ZNF197: variants seen among roughly 807,000 people sequenced by gnomAD.
The protein encoded by ZNF197 is VHL-associated KRAB-A domain-containing protein.
Under a neutral mutation model 27.4 loss-of-function variants are expected in ZNF197, and 14 were observed. The ratio of observed to expected loss-of-function variants is 0.51; its 90% confidence interval spans 0.34 to 0.80. The LOEUF is 0.80. Ranked by LOEUF, ZNF197 falls within the 30% of genes least tolerant of loss-of-function variation. The pLI, the probability that ZNF197 is intolerant of heterozygous loss-of-function variation, is 0.02. For missense variants in ZNF197, 1,090 were observed against 1,222.6 expected, an observed-to-expected ratio of 0.89 and a Z score of 1.62; for synonymous variants, 415 against 420.0, an observed-to-expected ratio of 0.99 and a Z score of 0.15.
rs545756272 is a variant in ZNF197 at position 44,638,534 on chromosome 3, A to C, written c.770-3366A>C. ...GTCATCTGCAAATAGAGATAATTTT[A>C]CTTCTTCCTTTACAATCTGGATGCC... On this transcript the variant is annotated intron_variant, in intron 5 of 5. Coordinates refer to ENST00000344387, the MANE Select transcript of ZNF197 (RefSeq NM_006991.5). Among the ~76,000 whole-genome samples the C allele has an allele frequency of 5.3e-5, 8 of 152,266 alleles. No homozygotes were observed. The South Asian group carries it at 1.7e-3, about 32-fold the overall frequency.
chr3:44,626,655 G>C (rs1701681510), intron 1 of ZNF197, among the ~76,000 whole-genome samples: 1 of 152,194 alleles, frequency 6.6e-6, no homozygotes, highest in Admixed American at 6.5e-5. Context: ...CAAAAATTTG[G>C]CGAAGAGCAC....
chr3:44,640,458 A>C lies in ZNF197; in HGVS notation c.770-1442A>C, dbSNP rs949001731. 2.6e-5 allele frequency among the ~76,000 whole-genome samples: 4 copies of C among 151,224 alleles called. No individual in the cohort carries two copies. Among genetic ancestry groups the C allele is most frequent in the African/African-American group, 9.7e-5 (4 of 41,098 alleles). ...AGTGGTGTGATCTCGGCTCACTGCA[A>C]CCTCTACCTCCCTGGTTCAAGTGAT... On this transcript the variant is annotated intron_variant, in intron 5 of 5. Coordinates refer to ENST00000344387, the MANE Select transcript of ZNF197 (RefSeq NM_006991.5). The surrounding 1 kb of genome is among the most constrained non-coding windows in gnomAD (Gnocchi z 4.0).
In ZNF197 at chr3:44,625,750, G is replaced by GCACA. The variant is rs56833441; in HGVS notation, c.-82+641_-82+644dup. Among the ~76,000 whole-genome samples, 807 of 149,046 alleles carry GCACA rather than the reference G, an allele frequency of 5.4e-3. 10 individuals carry two copies. The highest frequency in any genetic ancestry group is 0.016 in the African/African-American group (651 of 40,164). On this transcript the variant is annotated intron_variant, in intron 1 of 5. Coordinates refer to ENST00000344387, the MANE Select transcript of ZNF197 (RefSeq NM_006991.5). ...AATGCTGGCCTTTGCGCGCGCGCGC[G>GCACA]CACACACACACACACACACACACAC...
chr3:44,635,913 G>A (rs534986379), intron 5 of ZNF197, among the ~76,000 whole-genome samples: 2 of 152,322 alleles, frequency 1.3e-5, no homozygotes, highest in South Asian at 4.1e-4. Flanking sequence ...CAGTTTTACT[G>A]AGGTATATTT....
chr3:44,626,474 CTG>C (rs983066234), intron 1 of ZNF197, among the ~76,000 whole-genome samples: 6 of 152,186 alleles, frequency 3.9e-5, no homozygotes, highest in Non-Finnish European at 5.9e-5. Context: ...ACTTGACAAA[CTG>C]AGAAAAATTT....
chr3:44,642,744 T>C lies in ZNF197; in HGVS notation c.1614T>C (p.Tyr538=). The C allele has an allele frequency of 6.2e-7, 1 of 1,613,766 alleles. No homozygotes were observed. The highest frequency in any genetic ancestry group is 2.2e-5 in the East Asian group (1 of 44,864). The part of the protein sequence containing the change: ...HQRIHSGEKP[Y]KCDECGKTFA... ...GAATCCACTCTGGGGAAAAACCCTA[T>C]AAATGTGATGAATGTGGAAAGACCT... The change falls in exon 6 of 6, where the codon TAT becomes TAC. Residue 538 remains tyrosine (Y), a synonymous_variant. Transcript: ENST00000344387.
At chr3:44,632,718 A>T (rs533848326) in intron 5 of ZNF197, 119 bp downstream of exon 5, 1 of 1,171,348 alleles carries the variant, frequency 8.5e-7, no homozygotes, top group African/African-American at 1.6e-5. Flanking sequence ...AGAAGAAAAA[A>T]ACCTTCCTTA....
intron 2 of ZNF197, 168 bp from the exon 3 acceptor site, chr3:44,630,894 T>A: frequency 1.1e-6 from 1 of 919,978 alleles, no homozygotes; most frequent in Admixed American, 1.9e-5. Flanking sequence ...CGAGGGCAGC[T>A]CCATTGTTCT....
chr3:44,629,325 G>A lies in ZNF197; in HGVS notation c.171G>A (p.Gln57=), dbSNP rs201331498. ...GTTACCATGAGACATCTGGACCCCAGGAAGCCCTGAGCCGGCTCAGGGAAC... is the reference window on the plus strand; with the variant it reads ...GTTACCATGAGACATCTGGACCCCAAGAAGCCCTGAGCCGGCTCAGGGAAC... ...QLRYHETSGP[Q]EALSRLRELC... The change falls in exon 2 of 6, where the codon CAG becomes CAA. Residue 57 remains glutamine (Q), a synonymous_variant. Coordinates refer to ENST00000344387, the MANE Select transcript of ZNF197 (RefSeq NM_006991.5). 6.2e-6 allele frequency: 10 copies of A among 1,614,174 alleles called. No homozygotes were observed. In the East Asian group the frequency reaches 2.2e-4, roughly 36 times the overall value.
In ZNF197 at chr3:44,643,610, T is replaced by G. The variant is rs1702762315; in HGVS notation, c.2480T>G (p.Phe827Cys). ...AAATGCAATGACTGTGGGAAGGTCT[T>G]CAGTTACCGCTCAAACCTTATAGCC... ...SYKCNDCGKV[F>C]SYRSNLIAHQ... Residue 827 changes from phenylalanine (F) to cysteine (C), a missense_variant, in exon 6 of 6, where the codon TTC (phenylalanine) becomes TGC (cysteine). Physicochemically the swap from Phe to Cys is radical, Grantham distance 205 (BLOSUM62 -2). Transcript: ENST00000344387. 3.7e-6 allele frequency: 6 copies of G among 1,614,066 alleles called. No individual in the cohort carries two copies. Among genetic ancestry groups the G allele is most frequent in the Non-Finnish European group, 5.1e-6 (6 of 1,180,034 alleles).
chr3:44,629,138 T>A lies in ZNF197; in HGVS notation c.-17T>A. The A allele has an allele frequency of 6.3e-7, 1 of 1,593,632 alleles. No homozygotes were observed. The highest frequency in any genetic ancestry group is 2.2e-5 in the East Asian group (1 of 44,766). ...AGGAGACCTGGACTGGAGAGGAGCC[T>A]TTTTCAAAAAACAACAATGACAAGA... On this transcript the variant is annotated 5_prime_UTR_variant, in exon 2 of 6. Transcript: ENST00000344387.
rs1329536431 is a variant in ZNF197, at chr3:44,644,868, AATTT to A, written c.*652_*655del. ...GACCCGTCTTTAGTAAATAAAAATA[AATTT>A]ATTAATAAAACTAAAAATTTAATAA... On this transcript the variant is annotated 3_prime_UTR_variant, in exon 6 of 6. Coordinates refer to ENST00000344387, the MANE Select transcript of ZNF197 (RefSeq NM_006991.5). The A allele has an allele frequency of 1.6e-5, 15 of 959,230 alleles. No homozygotes were observed. The highest frequency in any genetic ancestry group is 6.2e-5 in the Admixed American group (1 of 16,246). The allele number at this position is 959,230 out of a possible 1,614,324, so 59.4% of individuals were successfully genotyped here.
chr3:44,628,996 C>A, intron 1 of ZNF197, 78 bp from the exon 2 acceptor site: 1 of 1,074,010 alleles, frequency 9.3e-7, no homozygotes, highest in Non-Finnish European at 1.3e-6. Flanking sequence ...TGGGAGCTGA[C>A]TGGGAGCTGA....
In ZNF197 at chr3:44,642,971, G is replaced by C. The variant is rs760929780; in HGVS notation, c.1841G>C (p.Arg614Thr). ...AAGTCAAACTTCATTGACCATAAGA[G>C]GATGCACAGCAGAGAGAAACCTTAC... is the stretch of plus-strand genomic sequence containing the variant. ...SSKSNFIDHK[R>T]MHSREKPYKC... The change falls in exon 6 of 6, where the codon AGG becomes ACG. Residue 614 changes from arginine to threonine, a missense_variant. By Grantham distance (71) the Arg-to-Thr change is moderately conservative. Transcript: ENST00000344387. 7.4e-6 allele frequency: 12 copies of C among 1,613,846 alleles called. No homozygotes were observed. The highest frequency in any genetic ancestry group is 9.3e-6 in the Non-Finnish European group (11 of 1,180,002).
Position 44,645,197 on chromosome 3 carries a change from T to C in ZNF197, c.*977T>C, listed in dbSNP as rs1271968828. 1 of 980,604 alleles carries C rather than the reference T, an allele frequency of 1.0e-6. No individual in the cohort carries two copies. The allele number at this position is 980,604 out of a possible 1,614,324, so 60.7% of individuals were successfully genotyped here. On this transcript the variant is annotated 3_prime_UTR_variant, in exon 6 of 6. Transcript: ENST00000344387. ...TACCTCACAGGGTTGTTGTGAGGGTTAAGTGAAAGGATCTTTGTGAAAGTA... is the reference window on the plus strand; with the variant it reads ...TACCTCACAGGGTTGTTGTGAGGGTCAAGTGAAAGGATCTTTGTGAAAGTA...
In ZNF197 at chr3:44,640,369, T is replaced by A. The variant is rs1357466272; in HGVS notation, c.770-1531T>A. On this transcript the variant is annotated intron_variant, in intron 5 of 5. Transcript: ENST00000344387. This position sits in a 1 kb window ranked among gnomAD's most constrained non-coding sequence, Gnocchi z 4.0. Reference sequence around the variant, plus strand: ...TCTCCATCAGCATTCTCTTTGTTTTTTGTTTGTTTTGTTCTTGTTTTGTTT... The same window carrying A: ...TCTCCATCAGCATTCTCTTTGTTTTATGTTTGTTTTGTTCTTGTTTTGTTT... Among the ~76,000 whole-genome samples the A allele has an allele frequency of 6.6e-6, 1 of 152,108 alleles. No homozygotes were observed. The highest frequency in any genetic ancestry group is 1.9e-4 in the East Asian group (1 of 5,178).
Position 44,643,853 on chromosome 3 carries a change from G to A in ZNF197, c.2723G>A (p.Gly908Glu). 2 of 1,613,530 alleles carry A rather than the reference G, an allele frequency of 1.2e-6. No homozygotes were observed. The highest frequency in any genetic ancestry group is 2.2e-5 in the South Asian group (2 of 90,952). Residue 908 changes from glycine (G) to glutamate (E), a missense_variant, in exon 6 of 6, where the codon GGA becomes GAA. Transcript: ENST00000344387. ...GEKPYKCNEC[G>E]KDFSQNKNLV... is the part of the protein sequence containing the mutation. ...AAACCTTATAAATGTAATGAGTGTG[G>A]AAAAGACTTTAGTCAGAATAAAAAC... is the stretch of plus-strand genomic sequence containing the variant.
In ZNF197 at chr3:44,643,981, A is replaced by G. The variant is rs1159864372; in HGVS notation, c.2851A>G (p.Ile951Val). The part of the protein sequence containing the change: ...SKRNLVGHQR[I>V]HTGEKPYGCN... ...GAGGAATTTAGTTGGCCACCAGAGA[A>G]TTCACACAGGGGAGAAACCCTATGG... is the stretch of plus-strand genomic sequence containing the variant. Residue 951 changes from isoleucine (I) to valine (V), a missense_variant, in exon 6 of 6, where the codon ATT becomes GTT. Ile to Val is a conservative substitution (Grantham distance 29). Transcript: ENST00000344387. The G allele has an allele frequency of 6.8e-6, 11 of 1,614,078 alleles. No homozygotes were observed. The highest frequency in any genetic ancestry group is 1.6e-4 in the Middle Eastern group (1 of 6,076).
chr3:44,628,704 C>G (rs1470306980), intron 1 of ZNF197, among the ~76,000 whole-genome samples: 1 of 152,168 alleles, frequency 6.6e-6, no homozygotes, highest in Non-Finnish European at 1.5e-5. Context: ...CTGTTACTAT[C>G]CCTATTTTAC....
Sources: allele counts gnomAD v4.1 joint callset (sites outside exome capture counted in the v4.1 genomes callset), GRCh38; gene constraint gnomAD v4.1.1; non-coding constraint Gnocchi (gnomAD v3.1); transcripts MANE v1.5; gene names NCBI Gene and HGNC (gene_info 2026-07-23, HGNC 2026-07-21).